The following STK32B variants were observed in gnomAD, a reference collection of about 807,000 sequenced individuals.
STK32B encodes serine/threonine-protein kinase 32B.
In STK32B, 43 loss-of-function variants were observed where a neutral mutation model predicts 52.6. The observed-to-expected ratio is 0.82, with a 90% CI of 0.64 to 1.05. STK32B has a LOEUF of 1.05. STK32B is among the 50% of genes least tolerant of loss of function. The pLI is 0.00. For synonymous variants in STK32B, 238 were observed against 204.3 expected (o/e 1.17, Z -1.41); for missense variants, 621 against 534.6 (o/e 1.16, Z -1.59).
chr4:5,368,933 A>G (rs572485944), intron 4 of STK32B, among the ~76,000 whole-genome samples: 1 of 152,190 alleles, frequency 6.6e-6, no homozygotes, highest in South Asian at 2.1e-4. Flanking sequence ...AAAGATGGCT[A>G]CTGTCCTCCA....
intron 4 of STK32B, among the ~76,000 whole-genome samples, chr4:5,366,629 C>T (rs921689852): frequency 3.3e-5 from 5 of 152,218 alleles, no homozygotes; most frequent in Admixed American, 1.3e-4. Context: ...CCGGCCCAGG[C>T]GATGACTCAA....
At chr4:5,210,941 A>G (rs958074920) in intron 3 of STK32B, among the ~76,000 whole-genome samples, 3 of 151,876 alleles carry the variant, frequency 2.0e-5, no homozygotes, top group Non-Finnish European at 4.4e-5. Flanking sequence ...GACTACAGGT[A>G]TGCACCATCA....
At chr4:5,185,989 G>A (rs933391881) in intron 3 of STK32B, among the ~76,000 whole-genome samples, 10 of 152,286 alleles carry the variant, frequency 6.6e-5, no homozygotes, top group South Asian at 4.1e-4. Context: ...CTCAGGCTGT[G>A]CCCTCTGCCT....
In STK32B at chr4:5,456,928, GGGGGCAGCTTCCAGCCT is replaced by G. The variant is rs1345316970; in HGVS notation, c.783+7_783+23del. 1 of 1,529,700 alleles carries G rather than the reference GGGGGCAGCTTCCAGCCT, an allele frequency of 6.5e-7. No individual in the cohort carries two copies. Among genetic ancestry groups the G allele is most frequent in the Admixed American group, 2.0e-5 (1 of 48,996 alleles). 94.8% of individuals were successfully genotyped at this position (1,529,700 alleles called of 1,614,324 possible). On this transcript the variant is annotated splice_donor_region_variant and intron_variant, in intron 8 of 11. Coordinates refer to ENST00000282908, the MANE Select transcript of STK32B (RefSeq NM_018401.3). The stretch of plus-strand genomic sequence containing the variant: ...ATGGTGGCCCTGCTGAGGAAGGTAA[GGGGGCAGCTTCCAGCCT>G]GCCCCGCCAGGGAGCTACGGTGAGT...
At chr4:5,039,038 G>C in the STK32B span, among the ~76,000 whole-genome samples, 4 of 144,048 alleles carry the variant, frequency 2.8e-5, no homozygotes, top group African/African-American at 1.0e-4. Context: ...CCAGGTTGGA[G>C]TGCAGTGGCA....
chr4:5,316,705 A>T (rs916287267), intron 3 of STK32B, among the ~76,000 whole-genome samples: 118 of 218 alleles, frequency 0.54, 22 homozygotes, highest in Admixed American at 0.7. Flanking sequence ...TCATATTATA[A>T]TATATAATAT....
At chr4:5,083,767 C>CA (rs1712563549) in intron 1 of STK32B, among the ~76,000 whole-genome samples, 1 of 149,048 alleles carries the variant, frequency 6.7e-6, no homozygotes, top group Non-Finnish European at 1.5e-5. Context: ...GACAGAGTCT[C>CA]ACTCTCTTGC....
intron 6 of STK32B, among the ~76,000 whole-genome samples, chr4:5,442,738 G>T (rs1003484046): frequency 1.2e-4 from 19 of 152,142 alleles, no homozygotes; most frequent in African/African-American, 3.9e-4. Context: ...TGCAGTGGCT[G>T]GTACCGGTTG....
intron 3 of STK32B, among the ~76,000 whole-genome samples, chr4:5,291,940 G>C (rs1728917930): frequency 6.6e-6 from 1 of 152,078 alleles, no homozygotes; most frequent in African/African-American, 2.4e-5. Flanking sequence ...TTTGGGCTTT[G>C]ATTGAACCCA....
chr4:5,155,961 A>G (rs1717795083), intron 2 of STK32B, among the ~76,000 whole-genome samples: 1 of 152,116 alleles, frequency 6.6e-6, no homozygotes, highest in African/African-American at 2.4e-5. Context: ...ATATACATAG[A>G]TATGCATATA....
chr4:5,163,657 C>G (rs1225968955), intron 2 of STK32B, among the ~76,000 whole-genome samples: 5 of 151,812 alleles, frequency 3.3e-5, no homozygotes, highest in Non-Finnish European at 5.9e-5. Context: ...TTTCTGAAGG[C>G]AAAAGAATGC....
At chr4:5,313,039 A>G (rs991056340) in intron 3 of STK32B, among the ~76,000 whole-genome samples, 1 of 151,940 alleles carries the variant, frequency 6.6e-6, no homozygotes, top group African/African-American at 2.4e-5. Context: ...AAAGACCAAC[A>G]TAGCTCATGA....
intron 1 of STK32B, among the ~76,000 whole-genome samples, chr4:5,109,728 G>A (rs1309006970): frequency 6.6e-6 from 1 of 152,154 alleles, no homozygotes; most frequent in Non-Finnish European, 1.5e-5. Flanking sequence ...AATAAGACAA[G>A]TTCCACTATT....
intron 4 of STK32B, among the ~76,000 whole-genome samples, chr4:5,375,908 A>G (rs1450108665): frequency 6.6e-6 from 1 of 152,064 alleles, no homozygotes; most frequent in Non-Finnish European, 1.5e-5. Context: ...GGGGTTGGAG[A>G]CACCACTCAC....
At chr4:5,338,613 C>G (rs1732865468) in intron 4 of STK32B, among the ~76,000 whole-genome samples, 1 of 152,136 alleles carries the variant, frequency 6.6e-6, no homozygotes, top group South Asian at 2.1e-4. Flanking sequence ...TGCCGATGTT[C>G]CAGAGCTGAG....
chr4:5,372,588 GAGA>G (rs969944249), intron 4 of STK32B, among the ~76,000 whole-genome samples: 43 of 152,150 alleles, frequency 2.8e-4, no homozygotes, highest in African/African-American at 9.9e-4. Flanking sequence ...GTTTAAAAAG[GAGA>G]AGATGACAAC....
At chr4:5,390,407 TC>T (rs1468361582) in intron 4 of STK32B, among the ~76,000 whole-genome samples, 1 of 152,178 alleles carries the variant, frequency 6.6e-6, no homozygotes, top group Non-Finnish European at 1.5e-5. Flanking sequence ...GAAGTCAAGG[TC>T]CCAGAGGGTT....
Position 5,495,959 on chromosome 4 carries a change from G to A in STK32B, c.1107-2986G>A, listed in dbSNP as rs1308457623. Among the ~76,000 whole-genome samples the A allele has an allele frequency of 2.0e-5, 3 of 152,082 alleles. 1 individual carries two copies. Among genetic ancestry groups the A allele is most frequent in the South Asian group, 4.1e-4 (2 of 4,820 alleles). On this transcript the variant is annotated intron_variant, in intron 11 of 11. Transcript: ENST00000282908. ...GAAATTTTGTCTCAGTGGAGTACCC[G>A]GCCGTGTGATGTGTCAGTCTGCCCC... is the stretch of plus-strand genomic sequence containing the variant.
chr4:5,233,682 G>T (rs1724428570), intron 3 of STK32B, among the ~76,000 whole-genome samples: 1 of 151,374 alleles, frequency 6.6e-6, no homozygotes, highest in Admixed American at 6.6e-5. Context: ...CATCTAGTAA[G>T]CCAGAGGCCA....
Sources: allele counts gnomAD v4.1 joint callset (sites outside exome capture counted in the v4.1 genomes callset), GRCh38; gene constraint gnomAD v4.1.1; transcripts MANE v1.5; gene names NCBI Gene and HGNC (gene_info 2026-07-23, HGNC 2026-07-21).